The following LINGO2 variants were observed in gnomAD, a reference collection of about 807,000 sequenced individuals.
LINGO2 encodes leucine-rich repeat and immunoglobulin-like domain-containing nogo receptor-interacting protein 2.
Under a neutral mutation model 30.6 loss-of-function variants are expected in LINGO2, and 14 were observed. That is an observed-to-expected ratio of 0.46 (90% CI 0.30 to 0.72). The LOEUF (loss-of-function observed/expected upper bound fraction) is 0.72, where lower values mean the gene tolerates loss of function less well. Among genes scored for constraint, LINGO2 ranks in the 30% least tolerant of loss-of-function variants. The pLI is 0.07. For synonymous variants in LINGO2, 317 were observed against 288.5 expected, an observed-to-expected ratio of 1.10 and a Z score of -1.00; for missense variants, 729 against 751.7, an observed-to-expected ratio of 0.97 and a Z score of 0.35.
At chr9:29,058,282 C>A in the LINGO2 span, among the ~76,000 whole-genome samples, 2 of 151,828 alleles carry the variant, frequency 1.3e-5, no homozygotes, top group Non-Finnish European at 2.9e-5. Flanking sequence ...ATGTTGAGAA[C>A]TGAAAAAGAC....
chr9:29,110,463 G>C, the LINGO2 span, among the ~76,000 whole-genome samples: 7 of 151,566 alleles, frequency 4.6e-5, no homozygotes, highest in Non-Finnish European at 1.0e-4. Flanking sequence ...CTCCCGAGTA[G>C]CTGGGACTAC....
intron 1 of LINGO2, among the ~76,000 whole-genome samples, chr9:28,649,365 C>T (rs901424163): frequency 1.3e-5 from 2 of 151,996 alleles, no homozygotes; most frequent in African/African-American, 4.8e-5. Context: ...TGATTAAATC[C>T]TCATAACAGT....
chr9:28,271,044 A>G (rs10124282), intron 4 of LINGO2, among the ~76,000 whole-genome samples: 6,052 of 152,142 alleles, frequency 0.04, 376 homozygotes, highest in African/African-American at 0.14. Flanking sequence ...ATTCTTTCCT[A>G]TCATCAGTTA....
At chr9:29,212,396 G>A in the LINGO2 span, among the ~76,000 whole-genome samples, 1 of 152,002 alleles carries the variant, frequency 6.6e-6, no homozygotes, top group South Asian at 2.1e-4. Context: ...GACCTGCGGC[G>A]CCCAGGTTCC....
chr9:29,082,159 C>T, the LINGO2 span, among the ~76,000 whole-genome samples: 2 of 152,114 alleles, frequency 1.3e-5, no homozygotes, highest in South Asian at 2.1e-4. Context: ...GGAGGCATCA[C>T]ACTACCTGAC....
the LINGO2 span, among the ~76,000 whole-genome samples, chr9:29,112,413 G>A: frequency 6.6e-6 from 1 of 152,088 alleles, no homozygotes; most frequent in East Asian, 1.9e-4. Flanking sequence ...AATGCATAGA[G>A]TCTGAGAACT....
the LINGO2 span, among the ~76,000 whole-genome samples, chr9:28,861,666 A>T: frequency 6.6e-6 from 1 of 152,076 alleles, no homozygotes; most frequent in East Asian, 1.9e-4. Context: ...CAGGAGACTG[A>T]AGTGGGATGA....
chr9:28,186,945 C>T (rs974054644), intron 4 of LINGO2, among the ~76,000 whole-genome samples: 2 of 152,046 alleles, frequency 1.3e-5, no homozygotes, highest in African/African-American at 4.8e-5. Context: ...GATTCAACAT[C>T]ATCAGGGTTT....
the LINGO2 span, among the ~76,000 whole-genome samples, chr9:29,114,001 A>C: frequency 0.24 from 35,636 of 151,558 alleles, 4,332 homozygotes; most frequent in East Asian, 0.4. Context: ...TCTTTTCCAC[A>C]ACAACAATGC....
intron 2 of LINGO2, among the ~76,000 whole-genome samples, chr9:28,464,135 T>A (rs923832486): frequency 2.6e-5 from 4 of 152,188 alleles, no homozygotes; most frequent in Admixed American, 2.6e-4. Flanking sequence ...GAATTATTAT[T>A]TCATAATACA....
At chr9:28,758,427 C>T in the LINGO2 span, among the ~76,000 whole-genome samples, 1 of 152,010 alleles carries the variant, frequency 6.6e-6, no homozygotes, top group Non-Finnish European at 1.5e-5. Context: ...TCTATTAACA[C>T]AAATGACTTG....
chr9:28,548,239 G>C (rs1365643733), intron 1 of LINGO2, among the ~76,000 whole-genome samples: 2 of 152,078 alleles, frequency 1.3e-5, no homozygotes, highest in Non-Finnish European at 2.9e-5. Context: ...GCATCTAAGG[G>C]ACTGTTACGT....
At chr9:28,280,979 G>T (rs1564093213) in intron 4 of LINGO2, among the ~76,000 whole-genome samples, 1 of 152,148 alleles carries the variant, frequency 6.6e-6, no homozygotes, top group Non-Finnish European at 1.5e-5. Context: ...AACAGTAACA[G>T]AAGCAATCTA....
At chr9:29,074,844 T>A in the LINGO2 span, among the ~76,000 whole-genome samples, 42 of 151,724 alleles carry the variant, frequency 2.8e-4, no homozygotes, top group African/African-American at 9.4e-4. Context: ...ATTTGCTTTT[T>A]TTTTTGTATT....
intron 4 of LINGO2, among the ~76,000 whole-genome samples, chr9:28,089,878 G>T (rs4878693): frequency 2.6e-5 from 4 of 151,852 alleles, no homozygotes; most frequent in Non-Finnish European, 5.9e-5. Flanking sequence ...ATGATAAAGG[G>T]GATATCACCA....
chr9:29,198,869 A>G, the LINGO2 span, among the ~76,000 whole-genome samples: 1 of 152,114 alleles, frequency 6.6e-6, no homozygotes, highest in Non-Finnish European at 1.5e-5. Context: ...GGGGAGAAAT[A>G]TTACGCATGT....
intron 1 of LINGO2, among the ~76,000 whole-genome samples, chr9:28,566,486 A>T (rs1587876307): frequency 6.6e-6 from 1 of 152,166 alleles, no homozygotes; most frequent in South Asian, 2.1e-4. Flanking sequence ...AAATAGGCAC[A>T]TGATCTTTAT....
chr9:28,582,724 A>T (rs941492647), intron 1 of LINGO2, among the ~76,000 whole-genome samples: 1 of 152,096 alleles, frequency 6.6e-6, no homozygotes, highest in Non-Finnish European at 1.5e-5. Context: ...ACTAGGGAAG[A>T]TTTTGCCTTA....
intron 1 of LINGO2, among the ~76,000 whole-genome samples, chr9:28,658,072 A>G (rs1267886523): frequency 6.6e-6 from 1 of 151,678 alleles, no homozygotes; most frequent in Non-Finnish European, 1.5e-5. Flanking sequence ...TCTTTTTGCC[A>G]TTGATTTCTA....
Sources: allele counts gnomAD v4.1 joint callset (sites outside exome capture counted in the v4.1 genomes callset), GRCh38; gene constraint gnomAD v4.1.1; transcripts MANE v1.5; gene names NCBI Gene and HGNC (gene_info 2026-07-23, HGNC 2026-07-21).